Variants in SETD3 observed in about 807,000 individuals in gnomAD.
The protein encoded by SETD3 is actin-histidine N-methyltransferase.
Under a neutral mutation model 63.0 loss-of-function variants are expected in SETD3, and 19 were observed. The ratio of observed to expected loss-of-function variants is 0.30; its 90% CI spans 0.21 to 0.44. The LOEUF (loss-of-function observed/expected upper bound fraction) is 0.44. Ranked by LOEUF, SETD3 falls within the 20% of genes least tolerant of loss-of-function variation. The pLI, the probability that SETD3 is intolerant of heterozygous loss-of-function variation, is 1.00. For missense variants in SETD3, 587 were observed against 728.5 expected, an observed-to-expected ratio of 0.81 and a Z score of 2.24; for synonymous variants, 286 against 264.1, an observed-to-expected ratio of 1.08 and a Z score of -0.80.
chr14:99,399,741 ATTTTTTTTTTTTTT>A (rs150317244), intron 12 of SETD3, among the ~76,000 whole-genome samples: 4 of 127,728 alleles, frequency 3.1e-5, no homozygotes, highest in Non-Finnish European at 4.9e-5. Context: ...CTTTCATTAA[ATTTTTTTTTTTTTT>A]TTTTTTTTTT....
intron 6 of SETD3, among the ~76,000 whole-genome samples, chr14:99,445,906 G>T (rs954883605): frequency 9.2e-5 from 14 of 152,140 alleles, no homozygotes; most frequent in Non-Finnish European, 1.8e-4. Flanking sequence ...AGTTTCTTTT[G>T]TTTTTAAACT....
chr14:99,437,396 A>C (rs1595202832), intron 6 of SETD3, among the ~76,000 whole-genome samples: 2 of 151,618 alleles, frequency 1.3e-5, no homozygotes, highest in South Asian at 2.1e-4. Flanking sequence ...AGTCTTCCCT[A>C]CTCCCACTCT....
chr14:99,428,118 A>G (rs1328380876), intron 6 of SETD3, among the ~76,000 whole-genome samples: 1 of 152,258 alleles, frequency 6.6e-6, no homozygotes, highest in African/African-American at 2.4e-5. Flanking sequence ...AGGGTGGCAC[A>G]GTGCCCACGG....
At chr14:99,451,547 T>C (rs1894462627) in intron 6 of SETD3, among the ~76,000 whole-genome samples, 1 of 152,038 alleles carries the variant, frequency 6.6e-6, no homozygotes, top group South Asian at 2.1e-4. Flanking sequence ...TGGATTAGGG[T>C]TAGGGGTGGA....
At chr14:99,457,343 G>A (rs1173395173) in intron 6 of SETD3, among the ~76,000 whole-genome samples, 1 of 152,202 alleles carries the variant, frequency 6.6e-6, no homozygotes, top group East Asian at 1.9e-4. Flanking sequence ...GCTGGAGGAG[G>A]AGATGTAACT....
intron 1 of SETD3, among the ~76,000 whole-genome samples, chr14:99,470,912 C>G (rs1895665445): frequency 6.6e-6 from 1 of 152,230 alleles, no homozygotes; most frequent in African/African-American, 2.4e-5. Flanking sequence ...CACCTTCCCT[C>G]AGCCCCCTGG....
chr14:99,452,702 T>C (rs1894526418), intron 6 of SETD3, among the ~76,000 whole-genome samples: 1 of 152,216 alleles, frequency 6.6e-6, no homozygotes, highest in African/African-American at 2.4e-5. Flanking sequence ...TGGACTATTA[T>C]CACTTCTCCA....
intron 2 of SETD3, among the ~76,000 whole-genome samples, chr14:99,463,823 G>A (rs937556782): frequency 6.6e-5 from 10 of 152,168 alleles, no homozygotes; most frequent in African/African-American, 2.4e-4. Context: ...AGAGAGCACT[G>A]AGCAAGCACC....
intron 6 of SETD3, among the ~76,000 whole-genome samples, chr14:99,442,164 G>A (rs544301616): frequency 6.6e-5 from 10 of 152,310 alleles, no homozygotes; most frequent in African/African-American, 2.4e-4. Context: ...CTTCCTGGCT[G>A]TGAAACTTCA....
intron 8 of SETD3, among the ~76,000 whole-genome samples, chr14:99,409,150 C>T (rs115792335): frequency 0.024 from 3,615 of 152,224 alleles, 138 homozygotes; most frequent in African/African-American, 0.083. Context: ...CTCCACGTGC[C>T]GCTTCCTGCC....
intron 1 of SETD3, among the ~76,000 whole-genome samples, chr14:99,474,209 C>T (rs1373318003): frequency 6.6e-6 from 1 of 152,146 alleles, no homozygotes; most frequent in African/African-American, 2.4e-5. Flanking sequence ...CCTGTAATCC[C>T]AGCTACTTAG....
chr14:99,469,702 C>T (rs917172459), intron 1 of SETD3, among the ~76,000 whole-genome samples: 39 of 152,298 alleles, frequency 2.6e-4, no homozygotes, highest in African/African-American at 8.9e-4. Context: ...GCTGTGATGG[C>T]GTCACTGCAC....
intron 1 of SETD3, among the ~76,000 whole-genome samples, chr14:99,479,549 G>A (rs1032973427): frequency 3.9e-5 from 6 of 152,148 alleles, no homozygotes; most frequent in South Asian, 2.1e-4. Context: ...ATTATTACTG[G>A]TTAGTTCAGT....
Position 99,398,714 on chromosome 14 carries a change from A to C in SETD3, c.1750T>G (p.Ser584Ala). ...SKRAVEDAKG[S>A]SSDSTAGVKE is the part of the protein sequence containing the mutation. ...ACTCCAGCAGTGCTGTCTGAAGAAG[A>C]TCCTTTGGCGTCTTCAACTGCTCTT... The change falls in exon 13 of 13, where the codon TCT becomes GCT. Residue 584 changes from serine to alanine, a missense_variant. Transcript: ENST00000331768. The C allele has an allele frequency of 6.2e-7, 1 of 1,614,164 alleles. No homozygotes were observed. Among genetic ancestry groups the C allele is most frequent in the South Asian group, 1.1e-5 (1 of 91,086 alleles).
At chr14:99,445,468 T>C (rs1894080753) in intron 6 of SETD3, among the ~76,000 whole-genome samples, 1 of 152,208 alleles carries the variant, frequency 6.6e-6, no homozygotes, top group Non-Finnish European at 1.5e-5. Flanking sequence ...CACATGTTAA[T>C]AATAGCTGAT....
intron 6 of SETD3, among the ~76,000 whole-genome samples, chr14:99,423,822 G>A (rs1352677713): frequency 3.3e-5 from 5 of 152,022 alleles, no homozygotes; most frequent in Admixed American, 1.3e-4. Flanking sequence ...TTATGAGAAC[G>A]GCCAAGGGAT....
chr14:99,470,770 T>G (rs1895656921), intron 1 of SETD3, among the ~76,000 whole-genome samples: 1 of 152,200 alleles, frequency 6.6e-6, no homozygotes, highest in East Asian at 1.9e-4. Flanking sequence ...GGGTTCAGTA[T>G]GGTTTGGCAC....
intron 6 of SETD3, among the ~76,000 whole-genome samples, chr14:99,434,846 T>TTAAAA (rs1566706239): frequency 5.3e-5 from 1 of 18,900 alleles, no homozygotes; most frequent in African/African-American, 3.0e-4. Flanking sequence ...AAACTCTGCC[T>TTAAAA]CAAAAAAAAA....
chr14:99,481,046 C>T, upstream of SETD3: 1 of 171,932 alleles, frequency 5.8e-6, no homozygotes, highest in Non-Finnish European at 1.2e-5. Context: ...GGGGCAAGAG[C>T]GGCCGGCTCA....
Sources: gnomAD v4.1 joint callset for allele counts (sites outside exome capture counted in the v4.1 genomes callset) on GRCh38, gnomAD v4.1.1 for gene constraint, MANE v1.5 for transcripts, NCBI Gene and HGNC (gene_info 2026-07-23, HGNC 2026-07-21) for gene names.